AKR1C3: variants seen among roughly 807,000 people sequenced by gnomAD.
AKR1C3 encodes 3-alpha hydroxysteroid dehydrogenase, type II.
AKR1C3 carries 48 observed loss-of-function variants against 43.6 expected under a neutral mutation model. That is an observed-to-expected ratio of 1.10 (90% CI 0.87 to 1.40). The LOEUF is 1.40. AKR1C3 is among the 40% of genes most tolerant of loss of function. AKR1C3 has a pLI of 0.00. For synonymous variants in AKR1C3, 162 were observed against 139.6 expected (o/e 1.16, Z -1.13); for missense variants, 482 against 391.2 (o/e 1.23, Z -1.96).
intron 1 of AKR1C3, among the ~76,000 whole-genome samples, chr10:5,060,463 G>A (rs558410296): frequency 1.3e-5 from 2 of 152,156 alleles, no homozygotes; most frequent in African/African-American, 2.4e-5. Context: ...ACAGAGTGTC[G>A]ATTGGTGCAT....
At chr10:5,051,695 C>A (rs1490266010) in intron 1 of AKR1C3, among the ~76,000 whole-genome samples, 1 of 152,190 alleles carries the variant, frequency 6.6e-6, no homozygotes, top group African/African-American at 2.4e-5. Context: ...TGCGTGAGTT[C>A]TACCAGAGGC....
At chr10:5,081,379 C>T (rs189848557) in intron 1 of AKR1C3, among the ~76,000 whole-genome samples, 140 of 152,252 alleles carry the variant, frequency 9.2e-4, no homozygotes, top group African/African-American at 2.8e-3. Flanking sequence ...ACAGTTGGGC[C>T]GCAGTGGCCA....
chr10:5,107,376 C>T, intron 8 of AKR1C3, 85 bp from the exon 9 acceptor site: 1 of 977,838 alleles, frequency 1.0e-6, no homozygotes, highest in Non-Finnish European at 1.6e-6. Flanking sequence ...AACATTCATA[C>T]TAATGACAGC....
At chr10:5,053,479 C>T (rs1838197067) in intron 1 of AKR1C3, among the ~76,000 whole-genome samples, 1 of 152,264 alleles carries the variant, frequency 6.6e-6, no homozygotes, top group African/African-American at 2.4e-5. Context: ...ACCCATGCCT[C>T]TCCCTCCACA....
chr10:5,096,248 C>T (rs1351170832), intron 1 of AKR1C3, 162 bp from the exon 2 acceptor site: 6 of 818,536 alleles, frequency 7.3e-6, no homozygotes, highest in African/African-American at 7.0e-5. Context: ...GATGCTCAAC[C>T]TTTATTACTA....
chr10:5,097,770 C>T (rs975094272), intron 3 of AKR1C3: 1 of 1,299,654 alleles, frequency 7.7e-7, no homozygotes, highest in East Asian at 3.7e-5. Flanking sequence ...AACCTCAAAG[C>T]CTCTTCCTCA....
chr10:5,059,116 T>A (rs905772750), intron 1 of AKR1C3, among the ~76,000 whole-genome samples: 8 of 152,160 alleles, frequency 5.3e-5, no homozygotes, highest in Non-Finnish European at 8.8e-5. Context: ...GGCCTGTTAG[T>A]CTGAGGAGGG....
intron 1 of AKR1C3, among the ~76,000 whole-genome samples, chr10:5,051,156 C>T (rs553043620): frequency 2.6e-5 from 4 of 152,256 alleles, no homozygotes; most frequent in South Asian, 2.1e-4. Context: ...AGTACAGTGG[C>T]GTGGTCTCGG....
At chr10:5,086,469 A>G (rs1554783084) in intron 1 of AKR1C3, among the ~76,000 whole-genome samples, 3 of 151,588 alleles carry the variant, frequency 2.0e-5, no homozygotes, top group South Asian at 4.2e-4. Flanking sequence ...GTTCTTTTAC[A>G]TTTGCTGAGG....
upstream of AKR1C3, among the ~76,000 whole-genome samples, chr10:5,092,266 C>T (rs1325008273): frequency 6.6e-6 from 1 of 151,888 alleles, no homozygotes; most frequent in Non-Finnish European, 1.5e-5. Context: ...GTATGTGGGC[C>T]TTGGTCTCTT....
upstream of AKR1C3, among the ~76,000 whole-genome samples, chr10:5,091,710 C>T (rs942044569): frequency 3.9e-5 from 6 of 152,098 alleles, no homozygotes; most frequent in Admixed American, 2.6e-4. Flanking sequence ...TCCACAGCTT[C>T]GTTTCCACTT....
At chr10:5,107,038 T>C (rs758517071) in intron 8 of AKR1C3, among the ~76,000 whole-genome samples, 1 of 152,224 alleles carries the variant, frequency 6.6e-6, no homozygotes, top group African/African-American at 2.4e-5. Context: ...TATTTCTATA[T>C]AAGAATTTTT....
chr10:5,091,182 G>A (rs1446883727), upstream of AKR1C3, among the ~76,000 whole-genome samples: 1 of 151,940 alleles, frequency 6.6e-6, no homozygotes, highest in Non-Finnish European at 1.5e-5. Context: ...ATGCCTGTGT[G>A]CTCTTAGGGA....
At position 5,075,799 on chromosome 10, in the gene AKR1C3, G is replaced by A. The variant is rs111536207; in HGVS notation, c.85-20611G>A. Among the ~76,000 whole-genome samples, 455 of 152,128 alleles carry A rather than the reference G, an allele frequency of 3.0e-3. 6 individuals carry two copies. Among genetic ancestry groups the A allele is most frequent in the South Asian group, 9.4e-3 (45 of 4,806 alleles). On this transcript the variant is annotated intron_variant, in intron 1 of 8. Transcript: ENST00000439082. ...TGAGGCAGGAGAATCACTTGAACCC[G>A]GGAGGCAGAGGTTGCAGTGAGCCAA...
chr10:5,070,556 A>AGAGGTAC (rs1195719140), intron 1 of AKR1C3, among the ~76,000 whole-genome samples: 292 of 152,302 alleles, frequency 1.9e-3, no homozygotes, highest in African/African-American at 6.6e-3. Flanking sequence ...ATTTACCTGG[A>AGAGGTAC]ATATACCTTA....
chr10:5,057,370 C>T lies in AKR1C3; in HGVS notation c.84+8475C>T, dbSNP rs56714205. Among the ~76,000 whole-genome samples, 14 of 152,220 alleles carry T rather than the reference C, an allele frequency of 9.2e-5. No individual in the cohort carries two copies. In the East Asian group the frequency reaches 2.7e-3, roughly 29 times the overall value. On this transcript the variant is annotated intron_variant, in intron 1 of 8. Coordinates refer to the AKR1C3 transcript ENST00000439082. ...CCTTTTGGGTCTGTTCCTCTTGGTC[C>T]CTATTATAGAACACTGAAGTTGCCA... is the stretch of plus-strand genomic sequence containing the variant.
chr10:5,077,656 C>T, intron 1 of AKR1C3: 1 of 1,074,846 alleles, frequency 9.3e-7, no homozygotes, highest in Non-Finnish European at 1.1e-6. Context: ...GAACATTCCC[C>T]TTAGTAAAAT....
In AKR1C3 at chr10:5,097,797, A is replaced by G. The variant is rs1336545518; in HGVS notation, c.369+247A>G. ...TCTTCCTCAAAAACTTGAAATTACAATAGTCTCTTTCAAGGCACTGTCTTA... is the reference window on the plus strand; with the variant it reads ...TCTTCCTCAAAAACTTGAAATTACAGTAGTCTCTTTCAAGGCACTGTCTTA... On this transcript the variant is annotated intron_variant, in intron 3 of 8. Transcript: ENST00000380554. The G allele has an allele frequency of 4.8e-6, 6 of 1,241,604 alleles. No individual in the cohort carries two copies. In the East Asian group the frequency reaches 1.8e-4, roughly 38 times the overall value. The allele number at this position is 1,241,604 out of a possible 1,614,324, so 76.9% of individuals were successfully genotyped here.
At chr10:5,094,634 C>A (rs1458869930) in intron 1 of AKR1C3, 106 bp downstream of exon 1, 3 of 1,259,090 alleles carry the variant, frequency 2.4e-6, no homozygotes, top group African/African-American at 3.0e-5. Flanking sequence ...CTCTGGATGA[C>A]TCACTGGTCT....
Sources: allele counts gnomAD v4.1 joint callset (sites outside exome capture counted in the v4.1 genomes callset), GRCh38; gene constraint gnomAD v4.1.1; transcripts MANE v1.5; gene names NCBI Gene and HGNC (gene_info 2026-07-23, HGNC 2026-07-21).